SNX5: variants seen among roughly 807,000 people sequenced by gnomAD.
SNX5 encodes sorting nexin 5.
In SNX5, 31 loss-of-function variants were observed where a neutral mutation model predicts 53.9. The observed-to-expected ratio is 0.58, with a 90% confidence interval of 0.43 to 0.78. The LOEUF is 0.78. Among genes scored for constraint, SNX5 ranks in the 30% least tolerant of loss-of-function variants. The pLI, the probability that SNX5 is intolerant of heterozygous loss-of-function variation, is 0.00. For missense variants in SNX5, 471 were observed against 478.8 expected, an observed-to-expected ratio of 0.98 and a Z score of 0.15; for synonymous variants, 168 against 171.1, an observed-to-expected ratio of 0.98 and a Z score of 0.14.
chr20:17,950,436 A>AT (rs1312411325), intron 6 of SNX5, 40 bp from the exon 7 acceptor site: 1 of 1,126,888 alleles, frequency 8.9e-7, no homozygotes, highest in Admixed American at 1.9e-5. Context: ...TTCATGAAAT[A>AT]TACTATCCCT....
intron 12 of SNX5, chr20:17,942,633 G>A (rs896118170): frequency 1.7e-5 from 10 of 574,676 alleles, no homozygotes; most frequent in East Asian, 5.9e-5. Context: ...CCAAAGAGCC[G>A]ACGTTCACTC....
intron 1 of SNX5, among the ~76,000 whole-genome samples, chr20:17,964,386 A>G (rs1360952541): frequency 6.6e-6 from 1 of 152,204 alleles, no homozygotes; most frequent in Non-Finnish European, 1.5e-5. Context: ...CAAAATGTAA[A>G]AAGAAGAGTC....
chr20:17,942,912 A>G (rs370351921), intron 12 of SNX5, 198 bp downstream of exon 12: 6,165 of 463,176 alleles, frequency 0.013, 62 homozygotes, highest in Middle Eastern at 0.026. Flanking sequence ...AAAAAAAAAA[A>G]GTTGCTAAAA....
intron 4 of SNX5, among the ~76,000 whole-genome samples, chr20:17,953,767 C>A (rs1315905092): frequency 3.3e-5 from 5 of 152,218 alleles, no homozygotes; most frequent in Admixed American, 2.0e-4. Flanking sequence ...AAGACAACTA[C>A]TCTATCGGGT....
At position 17,943,283 on chromosome 20, in the gene SNX5, G is replaced by C; in HGVS notation, c.1079-88C>G. 4.7e-6 allele frequency: 4 copies of C among 846,376 alleles called. No individual in the cohort carries two copies. The South Asian group carries it at 5.6e-5, about 12-fold the overall frequency. The allele number at this position is 846,376 out of a possible 1,614,324, so 52.4% of individuals were successfully genotyped here. The stretch of plus-strand genomic sequence containing the variant: ...ACTACCAAATGGCATTCTTACAAAT[G>C]GTCTCCAATGCTTTCAGGCACCAGC... On this transcript the variant is annotated intron_variant, in intron 11 of 12. Coordinates refer to ENST00000377759, the MANE Select transcript of SNX5 (RefSeq NM_014426.4).
At position 17,955,429 on chromosome 20, in the gene SNX5, T is replaced by C; in HGVS notation, c.203A>G (p.Gln68Arg). The C allele has an allele frequency of 6.2e-7, 1 of 1,614,196 alleles. No individual in the cohort carries two copies. Among genetic ancestry groups the C allele is most frequent in the Non-Finnish European group, 8.5e-7 (1 of 1,180,016 alleles). The change falls in exon 3 of 13, where the codon CAA (glutamine) becomes CGA (arginine). Residue 68 changes from glutamine (Q) to arginine (R), a missense_variant. Coordinates refer to ENST00000377759, the MANE Select transcript of SNX5 (RefSeq NM_014426.4). ...FQSPEFSVTR[Q>R]HEDFVWLHDT... is the part of the protein sequence containing the mutation. ...ATGTAGCCACACAAAGTCTTCATGT[T>C]GCCTTGTAACAGAAAACTCTGGGCT...
intron 6 of SNX5, 81 bp downstream of exon 6, chr20:17,951,419 A>C: frequency 1.2e-6 from 1 of 813,922 alleles, no homozygotes; most frequent in Non-Finnish European, 2.1e-6. Flanking sequence ...TTTGTTTCAC[A>C]AGTATCTCTT....
At chr20:17,947,964 T>C (rs1190990252) in intron 10 of SNX5, among the ~76,000 whole-genome samples, 2 of 152,226 alleles carry the variant, frequency 1.3e-5, no homozygotes, top group Admixed American at 1.3e-4. Context: ...ACTTGAAATA[T>C]ACAGTCACTG....
intron 12 of SNX5, chr20:17,942,765 CT>C (rs2039434542): frequency 5.6e-6 from 2 of 359,310 alleles, no homozygotes; most frequent in South Asian, 8.0e-5. Flanking sequence ...ATAAAAGTTG[CT>C]AGAAATTAGG....
chr20:17,955,328 G>C, intron 3 of SNX5, 37 bp downstream of exon 3: 1 of 1,478,206 alleles, frequency 6.8e-7, no homozygotes, highest in South Asian at 1.2e-5. Context: ...TAGCAAGGCA[G>C]AAAGAACTAG....
In SNX5 at chr20:17,952,656, C is replaced by T. The variant is rs748283767; in HGVS notation, c.444G>A (p.Gln148=). The change falls in exon 5 of 13, where the codon CAG becomes CAA. Residue 148 remains glutamine (Q), a synonymous_variant. Transcript: ENST00000377759. ...TGAGAACAGGGTGAGAAGAAAGCCG[C>T]TGAAGAAAGACTTCATGGGAGGACA... ...KTVSSHEVFL[Q]RLSSHPVLSK... is the part of the protein sequence containing the mutation. 6 of 1,613,920 alleles carry T rather than the reference C, an allele frequency of 3.7e-6. No individual in the cohort carries two copies. The highest frequency in any genetic ancestry group is 3.3e-5 in the Admixed American group (2 of 59,982).
chr20:17,961,554 T>C (rs1205029598), intron 1 of SNX5: 5 of 984,288 alleles, frequency 5.1e-6, no homozygotes, highest in Non-Finnish European at 6.0e-6. Flanking sequence ...ATGGATACAA[T>C]ATGCAGTGCT....
chr20:17,952,678 GAC>G lies in SNX5; in HGVS notation c.420_421del (p.Ser141LeufsTer3), dbSNP rs758896347. ...CCGCTGAAGAAAGACTTCATGGGAGGACACAGTCTTCTTAAACACAGCGAGAT... is the reference window on the plus strand; with the variant it reads ...CCGCTGAAGAAAGACTTCATGGGAGGACAGTCTTCTTAAACACAGCGAGAT... On this transcript the variant is annotated frameshift_variant, in exon 5 of 13. Transcript: ENST00000377759. LOFTEE classifies it high-confidence loss of function. The G allele has an allele frequency of 6.8e-6, 11 of 1,613,884 alleles. No individual in the cohort carries two copies. The highest frequency in any genetic ancestry group is 2.2e-5 in the East Asian group (1 of 44,882).
At position 17,956,952 on chromosome 20, in the gene SNX5, T is replaced by G. The variant is rs906768804; in HGVS notation, c.137A>C (p.Lys46Thr). The stretch of plus-strand genomic sequence containing the variant: ...ACTTACCTTTGTGTGCACTGTAAAT[T>G]TGACTTTGTCTCTCTCACTGAGCGC... ...PDALSERDKVKFTVHTKTTLP... is the reference protein window; with the variant it reads ...PDALSERDKVTFTVHTKTTLP... Residue 46 changes from lysine to threonine, a missense_variant, in exon 2 of 13, where the codon AAA becomes ACA. Coordinates refer to ENST00000377759, the MANE Select transcript of SNX5 (RefSeq NM_014426.4). The G allele has an allele frequency of 3.1e-6, 5 of 1,593,234 alleles. No individual in the cohort carries two copies. In the Admixed American group the frequency reaches 5.0e-5, roughly 16 times the overall value.
At chr20:17,944,447 TAAAA>T (rs1401969482) in intron 11 of SNX5, 3 of 152,206 alleles carry the variant, frequency 2.0e-5, no homozygotes, top group Non-Finnish European at 2.9e-5. Flanking sequence ...AAATAAAACT[TAAAA>T]CATTTTTAAA....
intron 1 of SNX5, 56 bp from the exon 2 acceptor site, chr20:17,957,093 T>C (rs993377607): frequency 1.9e-6 from 2 of 1,030,638 alleles, no homozygotes; most frequent in African/African-American, 1.6e-5. Flanking sequence ...AAAAAATTAT[T>C]CCAAAAATGA....
At chr20:17,964,987 A>G (rs1361857353) in intron 1 of SNX5, among the ~76,000 whole-genome samples, 1 of 152,224 alleles carries the variant, frequency 6.6e-6, no homozygotes, top group Non-Finnish European at 1.5e-5. Context: ...GTTCCTCAGT[A>G]TTAGTGGAAA....
chr20:17,956,673 C>CAAAAAAAAGAAAAAAAAAAAAAAA (rs2035361324), intron 2 of SNX5, among the ~76,000 whole-genome samples: 1 of 84,884 alleles, frequency 1.2e-5, no homozygotes, highest in Non-Finnish European at 2.2e-5. Flanking sequence ...AGACTGTCTC[C>CAAAAAAAAGAAAAAAAAAAAAAAA]AAAAAAAAAA....
intron 2 of SNX5, among the ~76,000 whole-genome samples, chr20:17,956,673 C>CAAAAAAAAAAA (rs59252584): frequency 6.7e-4 from 57 of 84,868 alleles, no homozygotes; most frequent in Non-Finnish European, 8.1e-4. Context: ...AGACTGTCTC[C>CAAAAAAAAAAA]AAAAAAAAAA....
Sources: allele counts gnomAD v4.1 joint callset (sites outside exome capture counted in the v4.1 genomes callset), GRCh38; gene constraint gnomAD v4.1.1; transcripts MANE v1.5; gene names NCBI Gene and HGNC (gene_info 2026-07-23, HGNC 2026-07-21).